IL23A: variants seen among roughly 807,000 people sequenced by gnomAD.
The protein encoded by IL23A is interleukin 23 subunit alpha, also known as interleukin-23 subunit alpha.
IL23A carries 16 observed loss-of-function variants against 20.7 expected under a neutral mutation model. The ratio of observed to expected loss-of-function variants is 0.77; its 90% CI spans 0.52 to 1.17. IL23A has a LOEUF of 1.17. Among genes scored for constraint, IL23A ranks in the 50% most tolerant of loss-of-function variants. The pLI, the probability that IL23A is intolerant of heterozygous loss-of-function variation, is 0.00. For missense variants in IL23A, 175 were observed against 229.5 expected (o/e 0.76, Z 1.53); for synonymous variants, 80 against 88.7 (o/e 0.90, Z 0.55).
At position 56,340,279 on chromosome 12, in the gene IL23A, G is replaced by GT; in HGVS notation, c.*177dup. ...ACATGTGATGCTGACCTATGATAAG[G>GT]TTGAGTATTTATTAGATGGGAAGGG... On this transcript the variant is annotated 3_prime_UTR_variant, in exon 4 of 4. Coordinates refer to ENST00000228534, the MANE Select transcript of IL23A (RefSeq NM_016584.3). The GT allele has an allele frequency of 1.6e-6, 1 of 640,158 alleles. No homozygotes were observed. Among genetic ancestry groups the GT allele is most frequent in the Non-Finnish European group, 2.6e-6 (1 of 384,372 alleles). 39.7% of individuals were successfully genotyped at this position (640,158 alleles called of 1,614,324 possible). A position where few individuals can be genotyped will look rare whatever the true frequency, so the allele number is the denominator to read the frequency against.
rs200722431 is a variant in IL23A at position 56,340,118 on chromosome 12, A to G, written c.*14A>G. On this transcript the variant is annotated 3_prime_UTR_variant, in exon 4 of 4. Coordinates refer to ENST00000228534, the MANE Select transcript of IL23A (RefSeq NM_016584.3). ...CTGAGTCCCTAAAGGCAGCAGCTCAAGGATGGCACTCAGATCTCCATGGCC... is the reference window on the plus strand; with the variant it reads ...CTGAGTCCCTAAAGGCAGCAGCTCAGGGATGGCACTCAGATCTCCATGGCC... 1.6e-5 allele frequency: 25 copies of G among 1,612,600 alleles called. No individual in the cohort carries two copies. Among genetic ancestry groups the G allele is most frequent in the Non-Finnish European group, 2.1e-5 (25 of 1,179,128 alleles).
At chr12:56,339,897 G>T in intron 3 of IL23A, 46 bp from the exon 4 acceptor site, 2 of 1,611,498 alleles carry the variant, frequency 1.2e-6, no homozygotes, top group Non-Finnish European at 1.7e-6. Context: ...AGGGTTGGGG[G>T]TTAAGGGTTT....
Position 56,338,939 on chromosome 12 carries a change from C to A in IL23A, c.-106C>A. On this transcript the variant is annotated 5_prime_UTR_variant, in exon 1 of 4. Transcript: ENST00000228534. ...AACTGAGGGAACCAAACCAGAGACG[C>A]GCTGAACAGAGAGAATCAGGCTCAA... The A allele has an allele frequency of 3.2e-6, 3 of 950,210 alleles. No individual in the cohort carries two copies. Among genetic ancestry groups the A allele is most frequent in the Non-Finnish European group, 4.3e-6 (3 of 704,828 alleles). The allele number at this position is 950,210 out of a possible 1,614,324, so 58.9% of individuals were successfully genotyped here.
Position 56,338,908 on chromosome 12 carries a change from G to T in IL23A, c.-137G>T. 1.7e-6 allele frequency: 1 copy of T among 598,724 alleles called. No homozygotes were observed. The highest frequency in any genetic ancestry group is 2.5e-6 in the Non-Finnish European group (1 of 400,224). The allele number at this position is 598,724 out of a possible 1,614,324, so 37.1% of individuals were successfully genotyped here. A position where few individuals can be genotyped will look rare whatever the true frequency, so the allele number is the denominator to read the frequency against. The stretch of plus-strand genomic sequence containing the variant: ...CAACAGGAAGCAGCTTACAAACTCG[G>T]TGAACAACTGAGGGAACCAAACCAG... On this transcript the variant is annotated 5_prime_UTR_variant, in exon 1 of 4. Coordinates refer to ENST00000228534, the MANE Select transcript of IL23A (RefSeq NM_016584.3).
chr12:56,340,075 G>A lies in IL23A; in HGVS notation c.541G>A (p.Ala181Thr). The A allele has an allele frequency of 6.2e-7, 1 of 1,614,156 alleles. No individual in the cohort carries two copies. Among genetic ancestry groups the A allele is most frequent in the Non-Finnish European group, 8.5e-7 (1 of 1,180,050 alleles). The stretch of plus-strand genomic sequence containing the variant: ...TGTGGCTGTAGCCGCCCGGGTCTTT[G>A]CCCATGGAGCAGCAACCCTGAGTCC... The part of the protein sequence containing the change: ...AFVAVAARVF[A>T]HGAATLSP Residue 181 changes from alanine to threonine, a missense_variant, in exon 4 of 4, where the codon GCC becomes ACC. By Grantham distance (58) the Ala-to-Thr change is moderately conservative. Coordinates refer to ENST00000228534, the MANE Select transcript of IL23A (RefSeq NM_016584.3).
rs367895145 is a variant in IL23A at position 56,339,856 on chromosome 12, G to A, written c.408+19G>A. The A allele has an allele frequency of 9.9e-6, 16 of 1,610,242 alleles. No homozygotes were observed. In the African/African-American group the frequency reaches 2.1e-4, roughly 22 times the overall value. ...CCTGCAGGTATGAAGTAGGGGCGTG[G>A]AGGATGGGGGCTTGCAGGTGTCAGA... On this transcript the variant is annotated intron_variant, in intron 3 of 3. Coordinates refer to ENST00000228534, the MANE Select transcript of IL23A (RefSeq NM_016584.3).
Position 56,338,987 on chromosome 12 carries a change from T to C in IL23A, c.-58T>C. 7.6e-7 allele frequency: 1 copy of C among 1,310,440 alleles called. No homozygotes were observed. The highest frequency in any genetic ancestry group is 9.9e-7 in the Non-Finnish European group (1 of 1,013,002). 81.2% of individuals were successfully genotyped at this position (1,310,440 alleles called of 1,614,324 possible). A position where few individuals can be genotyped will look rare whatever the true frequency, so the allele number is the denominator to read the frequency against. ...CAAAGCAAGTGGAAGTGGGCAGAGATTCCACCAGGACTGGTGCAAGGCGCA... is the reference window on the plus strand; with the variant it reads ...CAAAGCAAGTGGAAGTGGGCAGAGACTCCACCAGGACTGGTGCAAGGCGCA... On this transcript the variant is annotated 5_prime_UTR_variant, in exon 1 of 4. Transcript: ENST00000228534.
In IL23A at chr12:56,340,079, A is replaced by C. The variant is rs1190469525; in HGVS notation, c.545A>C (p.His182Pro). ...GCTGTAGCCGCCCGGGTCTTTGCCCATGGAGCAGCAACCCTGAGTCCCTAA... is the reference window on the plus strand; with the variant it reads ...GCTGTAGCCGCCCGGGTCTTTGCCCCTGGAGCAGCAACCCTGAGTCCCTAA... ...FVAVAARVFA[H>P]GAATLSP The change falls in exon 4 of 4, where the codon CAT becomes CCT. Residue 182 changes from histidine (H) to proline (P), a missense_variant. By Grantham distance (77) the His-to-Pro change is moderately conservative. Coordinates refer to ENST00000228534, the MANE Select transcript of IL23A (RefSeq NM_016584.3). 1 of 1,614,184 alleles carries C rather than the reference A, an allele frequency of 6.2e-7. No homozygotes were observed. The highest frequency in any genetic ancestry group is 8.5e-7 in the Non-Finnish European group (1 of 1,180,028).
chr12:56,339,404 T>C, intron 1 of IL23A, 22 bp from the exon 2 acceptor site: 1 of 1,552,478 alleles, frequency 6.4e-7, no homozygotes, highest in Non-Finnish European at 8.9e-7. Context: ...CTTCATTCTT[T>C]CCACCTCTTC....
At position 56,338,949 on chromosome 12, in the gene IL23A, A is replaced by T. The variant is rs1876390066; in HGVS notation, c.-96A>T. On this transcript the variant is annotated 5_prime_UTR_variant, in exon 1 of 4. Coordinates refer to ENST00000228534, the MANE Select transcript of IL23A (RefSeq NM_016584.3). ...ACCAAACCAGAGACGCGCTGAACAG[A>T]GAGAATCAGGCTCAAAGCAAGTGGA... 4.7e-6 allele frequency: 5 copies of T among 1,053,456 alleles called. No homozygotes were observed. The highest frequency in any genetic ancestry group is 6.3e-6 in the Non-Finnish European group (5 of 790,178). The allele number at this position is 1,053,456 out of a possible 1,614,324, so 65.3% of individuals were successfully genotyped here.
Position 56,339,729 on chromosome 12 carries a change from T to G in IL23A, c.300T>G (p.Tyr100Ter). 1.9e-6 allele frequency: 3 copies of G among 1,614,018 alleles called. No homozygotes were observed. Among genetic ancestry groups the G allele is most frequent in the South Asian group, 2.2e-5 (2 of 91,080 alleles). ...GGATCCACCAGGGTCTGATTTTTTATGAGAAGCTGCTAGGATCGGATATTT... is the reference window on the plus strand; with the variant it reads ...GGATCCACCAGGGTCTGATTTTTTAGGAGAAGCTGCTAGGATCGGATATTT... ...LQRIHQGLIF[Y>*]EKLLGSDIFT... The change falls in exon 3 of 4, where the codon TAT becomes TAG. Residue 100 changes from tyrosine to a stop codon, truncating the protein, a stop_gained. Transcript: ENST00000228534. LOFTEE classifies it high-confidence loss of function.
chr12:56,339,565 T>C, intron 2 of IL23A, 41 bp downstream of exon 2: 2 of 1,585,654 alleles, frequency 1.3e-6, no homozygotes, highest in East Asian at 2.2e-5. Flanking sequence ...GAGAGGGGAC[T>C]GAGAACATGG....
At position 56,340,203 on chromosome 12, in the gene IL23A, C is replaced by T; in HGVS notation, c.*99C>T. The T allele has an allele frequency of 7.9e-7, 1 of 1,262,006 alleles. No individual in the cohort carries two copies. The allele number at this position is 1,262,006 out of a possible 1,614,324, so 78.2% of individuals were successfully genotyped here. A position where few individuals can be genotyped will look rare whatever the true frequency, so the allele number is the denominator to read the frequency against. On this transcript the variant is annotated 3_prime_UTR_variant, in exon 4 of 4. Transcript: ENST00000228534. The stretch of plus-strand genomic sequence containing the variant: ...CCTGTGAGCCAACAGGTTAATTAGT[C>T]CATTAATTTTAGTGGGACCTGCATA...
chr12:56,339,183 G>A lies in IL23A; in HGVS notation c.139G>A (p.Ala47Thr), dbSNP rs1222126074. Residue 47 changes from alanine to threonine, a missense_variant, in exon 1 of 4, where the codon GCA becomes ACA. Physicochemically the swap from Ala to Thr is moderately conservative, Grantham distance 58. Transcript: ENST00000228534. Reference sequence around the variant, plus strand: ...GAAGCTCTGCACACTGGCCTGGAGTGCACATCCACTAGTGGGACACATGGT... The same window carrying A: ...GAAGCTCTGCACACTGGCCTGGAGTACACATCCACTAGTGGGACACATGGT... The part of the protein sequence containing the change: ...SQKLCTLAWS[A>T]HPLVGHMDLR... The A allele has an allele frequency of 6.4e-7, 1 of 1,551,078 alleles. No individual in the cohort carries two copies. The highest frequency in any genetic ancestry group is 8.7e-7 in the Non-Finnish European group (1 of 1,148,340).
At chr12:56,339,386 TCTTA>T (rs1305189381) in intron 1 of IL23A, 36 bp from the exon 2 acceptor site, 2 of 1,503,808 alleles carry the variant, frequency 1.3e-6, no homozygotes, top group East Asian at 2.3e-5. Context: ...AGAAGTACTA[TCTTA>T]CTTCTTCATT....
chr12:56,339,291 G>A, intron 1 of IL23A, 85 bp downstream of exon 1: 4 of 1,449,510 alleles, frequency 2.8e-6, no homozygotes, highest in Non-Finnish European at 3.8e-6. Flanking sequence ...GGAAGCTGGA[G>A]GGTTGAAGGC....
chr12:56,339,777 C>A lies in IL23A; in HGVS notation c.348C>A (p.Leu116=). 6.2e-7 allele frequency: 1 copy of A among 1,614,046 alleles called. No individual in the cohort carries two copies. The highest frequency in any genetic ancestry group is 8.5e-7 in the Non-Finnish European group (1 of 1,179,976). Residue 116 remains leucine, a synonymous_variant, in exon 3 of 4, where the codon CTC becomes CTA. Coordinates refer to ENST00000228534, the MANE Select transcript of IL23A (RefSeq NM_016584.3). ...TTTTCACAGGGGAGCCTTCTCTGCT[C>A]CCTGATAGCCCTGTGGGCCAGCTTC... The part of the protein sequence containing the change: ...SDIFTGEPSL[L]PDSPVGQLHA...
intron 1 of IL23A, 108 bp downstream of exon 1, chr12:56,339,314 A>T: frequency 7.3e-7 from 1 of 1,361,266 alleles, no homozygotes; most frequent in Non-Finnish European, 1.0e-6. Context: ...TTAGGGAGTA[A>T]GAGAGGACAA....
At position 56,339,093 on chromosome 12, in the gene IL23A, G is replaced by A; in HGVS notation, c.49G>A (p.Ala17Thr). The change falls in exon 1 of 4, where the codon GCT (alanine) becomes ACT (threonine). Residue 17 changes from alanine (A) to threonine (T), a missense_variant. By Grantham distance (58) the Ala-to-Thr change is moderately conservative. Transcript: ENST00000228534. ...GCTGCTGTTGCTGCTGCCCTGGACA[G>A]CTCAGGGCAGAGCTGTGCCTGGGGG... ...VMLLLLLPWT[A>T]QGRAVPGGSS... 1 of 1,548,062 alleles carries A rather than the reference G, an allele frequency of 6.5e-7. No homozygotes were observed. Among genetic ancestry groups the A allele is most frequent in the Non-Finnish European group, 8.7e-7 (1 of 1,145,186 alleles).
Sources: allele counts gnomAD v4.1 joint callset, GRCh38; gene constraint gnomAD v4.1.1; transcripts MANE v1.5; gene names NCBI Gene and HGNC (gene_info 2026-07-23, HGNC 2026-07-21).